Variants in RABEPK observed in about 807,000 individuals in gnomAD.
RABEPK encodes the protein Rab9 effector protein with kelch motifs, also known as 40 kDa Rab9 effector protein.
Under a neutral mutation model 34.1 loss-of-function variants are expected in RABEPK, and 27 were observed. The observed-to-expected ratio is 0.79, with a 90% CI of 0.58 to 1.09. The LOEUF (loss-of-function observed/expected upper bound fraction) is 1.09. RABEPK is among the 50% of genes least tolerant of loss of function. RABEPK has a pLI of 0.00. For synonymous variants in RABEPK, 172 were observed against 169.2 expected, an observed-to-expected ratio of 1.02 and a Z score of -0.13; for missense variants, 449 against 462.6, an observed-to-expected ratio of 0.97 and a Z score of 0.27.
intron 3 of RABEPK, among the ~76,000 whole-genome samples, chr9:125,208,840 A>T (rs1451204513): frequency 6.6e-6 from 1 of 151,268 alleles, no homozygotes; most frequent in Non-Finnish European, 1.5e-5. Context: ...CAGCCTACAT[A>T]TCTCTTATCT....
intron 4 of RABEPK, among the ~76,000 whole-genome samples, chr9:125,218,243 C>A (rs1831076288): frequency 7.3e-6 from 1 of 137,236 alleles, no homozygotes; most frequent in Non-Finnish European, 1.5e-5. Context: ...TGGCGTGAAC[C>A]CGGGAGGCGG....
At chr9:125,200,981 G>A (rs1362255148) in intron 1 of RABEPK, 75 bp downstream of exon 1, 2 of 390,782 alleles carry the variant, frequency 5.1e-6, no homozygotes, top group Non-Finnish European at 1.0e-5. Context: ...TCTACTCCAT[G>A]CCAGGTCCAT....
intron 3 of RABEPK, among the ~76,000 whole-genome samples, chr9:125,208,996 AT>A (rs1830418781): frequency 6.6e-6 from 1 of 151,488 alleles, no homozygotes. Context: ...TAGCCAGCGA[AT>A]ATCATCTAAA....
At chr9:125,232,948 C>T (rs373826694) in intron 7 of RABEPK, among the ~76,000 whole-genome samples, 3 of 151,906 alleles carry the variant, frequency 2.0e-5, no homozygotes, top group East Asian at 1.9e-4. Flanking sequence ...TGGTGGCGGG[C>T]GCCTGTAGTC....
intron 3 of RABEPK, among the ~76,000 whole-genome samples, chr9:125,211,110 G>A (rs187521455): frequency 2.2e-4 from 33 of 150,988 alleles, no homozygotes; most frequent in African/African-American, 6.8e-4. Context: ...GGTGGCGGGC[G>A]CCTGTAGTCC....
At chr9:125,206,160 T>C (rs146067603) in intron 2 of RABEPK, among the ~76,000 whole-genome samples, 2 of 152,066 alleles carry the variant, frequency 1.3e-5, no homozygotes, top group African/African-American at 4.8e-5. Context: ...AGAATTTTCT[T>C]TTCCAATCAG....
intron 5 of RABEPK, 74 bp downstream of exon 5, chr9:125,220,774 A>G: frequency 6.8e-7 from 1 of 1,472,436 alleles, no homozygotes; most frequent in Non-Finnish European, 9.1e-7. Flanking sequence ...AGGAAGCAGA[A>G]GTTAGAAAAG....
intron 4 of RABEPK, among the ~76,000 whole-genome samples, chr9:125,218,237 G>T (rs1397539262): frequency 2.8e-5 from 4 of 141,540 alleles, no homozygotes; most frequent in Non-Finnish European, 6.0e-5. Flanking sequence ...GGAGAATGGC[G>T]TGAACCCGGG....
At chr9:125,207,834 A>G in intron 3 of RABEPK, 113 bp downstream of exon 3, 1 of 1,359,922 alleles carries the variant, frequency 7.4e-7, no homozygotes, top group East Asian at 2.3e-5. Flanking sequence ...CTATAAGAAA[A>G]CATGGCCAGG....
In RABEPK at chr9:125,220,606, A is replaced by G. The variant is rs775517745; in HGVS notation, c.432A>G (p.Ser144=). The change falls in exon 5 of 8, where the codon TCA becomes TCG. Residue 144 remains serine (S), a synonymous_variant. Coordinates refer to ENST00000373538, the MANE Select transcript of RABEPK (RefSeq NM_005833.4). ...CATCCCCAAGAACATTCCACACATC[A>G]TCGGCAGCCATTGGAAACCAGCTAT... ...PPPSPRTFHT[S]SAAIGNQLYV... 21 of 1,614,156 alleles carry G rather than the reference A, an allele frequency of 1.3e-5. No homozygotes were observed. Among genetic ancestry groups the G allele is most frequent in the Non-Finnish European group, 1.7e-5 (20 of 1,180,044 alleles).
chr9:125,208,841 T>C (rs1830407874), intron 3 of RABEPK, among the ~76,000 whole-genome samples: 1 of 151,818 alleles, frequency 6.6e-6, no homozygotes, highest in Non-Finnish European at 1.5e-5. Context: ...AGCCTACATA[T>C]CTCTTATCTT....
At position 125,213,430 on chromosome 9, in the gene RABEPK, G is replaced by A; in HGVS notation, c.272G>A (p.Ser91Asn). ...CTCTTGCCCCGGTATGAACATGCTA[G>A]CTTCATTCCCTCCTGCACACCTGAC... ...KGLLPRYEHA[S>N]FIPSCTPDRI... Residue 91 changes from serine to asparagine, a missense_variant, in exon 4 of 8, where the codon AGC becomes AAC. Coordinates refer to ENST00000373538, the MANE Select transcript of RABEPK (RefSeq NM_005833.4). 6.2e-7 allele frequency: 1 copy of A among 1,614,006 alleles called. No homozygotes were observed. The highest frequency in any genetic ancestry group is 8.5e-7 in the Non-Finnish European group (1 of 1,179,914).
rs543480912 is a variant in RABEPK at position 125,227,280 on chromosome 9, C to T, written c.527-630C>T. Among the ~76,000 whole-genome samples, 35 of 152,224 alleles carry T rather than the reference C, an allele frequency of 2.3e-4. No homozygotes were observed. In the South Asian group the frequency reaches 6.8e-3, roughly 30 times the overall value. ...AGACTCATTCATTTTGACTTTGTGG[C>T]AGTTTTAGTTTGAAGCTAAAGAGGA... On this transcript the variant is annotated intron_variant, in intron 5 of 7. Coordinates refer to ENST00000373538, the MANE Select transcript of RABEPK (RefSeq NM_005833.4).
At chr9:125,209,809 A>G (rs1830471488) in intron 3 of RABEPK, among the ~76,000 whole-genome samples, 1 of 152,060 alleles carries the variant, frequency 6.6e-6, no homozygotes, top group South Asian at 2.1e-4. Flanking sequence ...GCTTCTCTAT[A>G]TCTTTCAGAT....
chr9:125,219,291 G>T (rs1831160858), intron 4 of RABEPK, among the ~76,000 whole-genome samples: 1 of 150,472 alleles, frequency 6.6e-6, no homozygotes, highest in Admixed American at 6.6e-5. Context: ...CAAACTCCTG[G>T]GCTCAAGCAA....
At chr9:125,210,948 CTGGGCCGGGCA>C (rs1421623164) in intron 3 of RABEPK, among the ~76,000 whole-genome samples, 2 of 147,740 alleles carry the variant, frequency 1.4e-5, no homozygotes, top group Admixed American at 1.3e-4. Context: ...AGTGATTCTC[CTGGGCCGGGCA>C]TGGTGGCTCA....
chr9:125,211,703 G>A (rs989478294), intron 3 of RABEPK, among the ~76,000 whole-genome samples: 7 of 152,014 alleles, frequency 4.6e-5, no homozygotes, highest in Non-Finnish European at 1.0e-4. Flanking sequence ...TAGGCTGGAC[G>A]AGGTGTAATC....
intron 6 of RABEPK, among the ~76,000 whole-genome samples, chr9:125,231,569 G>A (rs942639497): frequency 9.2e-5 from 14 of 152,076 alleles, no homozygotes; most frequent in African/African-American, 2.7e-4. Flanking sequence ...CTGGGAGGCC[G>A]AGGTGGGTGG....
In RABEPK at chr9:125,220,567, G is replaced by T; in HGVS notation, c.393G>T (p.Val131=). Residue 131 remains valine, a synonymous_variant, in exon 5 of 8, where the codon GTG becomes GTT. Transcript: ENST00000373538. ...PETRTWTTPE[V]TSPPPSPRTF... ...CCAGGACGTGGACCACGCCAGAAGTGACCAGCCCCCCACCATCCCCAAGAA... is the reference window on the plus strand; with the variant it reads ...CCAGGACGTGGACCACGCCAGAAGTTACCAGCCCCCCACCATCCCCAAGAA... The T allele has an allele frequency of 6.2e-7, 1 of 1,613,940 alleles. No homozygotes were observed. Among genetic ancestry groups the T allele is most frequent in the South Asian group, 1.1e-5 (1 of 91,060 alleles).
Sources: gnomAD v4.1 joint callset for allele counts (sites outside exome capture counted in the v4.1 genomes callset) on GRCh38, gnomAD v4.1.1 for gene constraint, MANE v1.5 for transcripts, NCBI Gene and HGNC (gene_info 2026-07-23, HGNC 2026-07-21) for gene names.